Variants in MYO6 observed in about 807,000 individuals in gnomAD.
MYO6 encodes the protein myosin VI, also known as unconventional myosin-VI.
MYO6 carries 74 observed loss-of-function variants against 178.7 expected under a neutral mutation model. The ratio of observed to expected loss-of-function variants is 0.41; its 90% CI spans 0.34 to 0.50. The LOEUF (loss-of-function observed/expected upper bound fraction) is 0.50. MYO6 is among the 20% of genes least tolerant of loss of function. The pLI is 0.09. For synonymous variants in MYO6, 477 were observed against 504.6 expected, an observed-to-expected ratio of 0.95 and a Z score of 0.73; for missense variants, 1,330 against 1,547.4, an observed-to-expected ratio of 0.86 and a Z score of 2.36.
At chr6:75,783,323 G>C (rs1306943091) in intron 1 of MYO6, among the ~76,000 whole-genome samples, 4 of 152,136 alleles carry the variant, frequency 2.6e-5, no homozygotes, top group Non-Finnish European at 5.9e-5. Context: ...GTCTTGTTTT[G>C]ATTTTGAATG....
At chr6:75,901,308 T>A (rs1779756946) in intron 30 of MYO6, among the ~76,000 whole-genome samples, 1 of 152,222 alleles carries the variant, frequency 6.6e-6, no homozygotes, top group Admixed American at 6.5e-5. Context: ...GCATTGAATC[T>A]GTAAATTACC....
chr6:75,750,078 A>T (rs1776719659), intron 1 of MYO6, among the ~76,000 whole-genome samples: 1 of 150,164 alleles, frequency 6.7e-6, no homozygotes, highest in South Asian at 2.1e-4. Flanking sequence ...ATTTCCATAC[A>T]GTTTAAAAAA....
intron 1 of MYO6, among the ~76,000 whole-genome samples, chr6:75,759,554 A>T (rs1777769116): frequency 6.7e-6 from 1 of 149,562 alleles, no homozygotes; most frequent in Non-Finnish European, 1.5e-5. Flanking sequence ...CTTTACTAGA[A>T]CCCAGCTGGG....
rs757649119 is a variant in MYO6 at position 75,907,665 on chromosome 6, A to G, written c.3237A>G (p.Lys1079=). The stretch of plus-strand genomic sequence containing the variant: ...GTACTAAGAAATATGATCTTAGTAA[A>G]TGGAAATATGCAGAACTACGTGATA... ...AAGTKKYDLS[K]WKYAELRDTI... is the part of the protein sequence containing the mutation. The change falls in exon 31 of 35, where the codon AAA becomes AAG. Residue 1079 remains lysine, a synonymous_variant. Coordinates refer to ENST00000369977, the MANE Select transcript of MYO6 (RefSeq NM_004999.4). The G allele has an allele frequency of 3.1e-6, 5 of 1,613,704 alleles. No homozygotes were observed. The highest frequency in any genetic ancestry group is 1.7e-5 in the Admixed American group (1 of 60,016).
intron 2 of MYO6, among the ~76,000 whole-genome samples, 171 bp downstream of exon 2, chr6:75,817,835 A>T (rs969026068): frequency 8.5e-5 from 13 of 152,186 alleles, no homozygotes; most frequent in Non-Finnish European, 1.8e-4. Flanking sequence ...TATGTGCCCT[A>T]GGGAAAAAAT....
At chr6:75,846,702 T>G (rs1009896359) in intron 10 of MYO6, among the ~76,000 whole-genome samples, 11 of 152,112 alleles carry the variant, frequency 7.2e-5, no homozygotes, top group African/African-American at 2.7e-4. Flanking sequence ...ATGGAGACCT[T>G]TCCTAGTGGG....
In MYO6 at chr6:75,916,268, G is replaced by A. The variant is rs1489524353; in HGVS notation, c.*1256G>A. 6.6e-6 allele frequency: 1 copy of A among 152,062 alleles called. No individual in the cohort carries two copies. Among genetic ancestry groups the A allele is most frequent in the South Asian group, 2.1e-4 (1 of 4,824 alleles). The allele number at this position is 152,062 out of a possible 1,614,324, so 9.4% of individuals were successfully genotyped here. A position where few individuals can be genotyped will look rare whatever the true frequency, so the allele number is the denominator to read the frequency against. ...ACTGCTTTTTCCCCCAGTTTTTAGA[G>A]ACCCTAACCTTTGAAATGAAATTCC... On this transcript the variant is annotated 3_prime_UTR_variant, in exon 35 of 35. Coordinates refer to ENST00000369977, the MANE Select transcript of MYO6 (RefSeq NM_004999.4).
chr6:75,878,895 AG>A (rs2149340926), intron 20 of MYO6, among the ~76,000 whole-genome samples: 1 of 152,286 alleles, frequency 6.6e-6, no homozygotes, highest in African/African-American at 2.4e-5. Flanking sequence ...TGACCTGAAA[AG>A]CTCACATTGA....
intron 1 of MYO6, among the ~76,000 whole-genome samples, chr6:75,752,992 C>T (rs143472199): frequency 1.3e-5 from 2 of 152,162 alleles, no homozygotes; most frequent in East Asian, 3.9e-4. Flanking sequence ...AGAGGGGGGA[C>T]TCGTTTTTAG....
intron 1 of MYO6, among the ~76,000 whole-genome samples, chr6:75,753,982 G>A (rs1471793058): frequency 6.6e-6 from 1 of 152,156 alleles, no homozygotes; most frequent in Non-Finnish European, 1.5e-5. Context: ...TGTGAGTACT[G>A]AAGCATAAAA....
At chr6:75,752,904 A>C (rs1777019351) in intron 1 of MYO6, among the ~76,000 whole-genome samples, 1 of 152,168 alleles carries the variant, frequency 6.6e-6, no homozygotes, top group Non-Finnish European at 1.5e-5. Flanking sequence ...GAACTTTAAA[A>C]TTTTCCTCTA....
At chr6:75,890,824 G>C (rs1407214960) in intron 26 of MYO6, among the ~76,000 whole-genome samples, 1 of 152,080 alleles carries the variant, frequency 6.6e-6, no homozygotes, top group African/African-American at 2.4e-5. Flanking sequence ...TTTGTTTATT[G>C]TTTTCTAAGC....
At chr6:75,810,516 G>C (rs944812837) in intron 1 of MYO6, among the ~76,000 whole-genome samples, 2 of 152,122 alleles carry the variant, frequency 1.3e-5, no homozygotes, top group Non-Finnish European at 2.9e-5. Flanking sequence ...AAGGGAGGGG[G>C]GTATAATGAG....
Position 75,873,727 on chromosome 6 carries a change from A to G in MYO6, c.2077+427A>G, listed in dbSNP as rs565822133. Among the ~76,000 whole-genome samples the G allele has an allele frequency of 2.6e-5, 4 of 152,242 alleles. No homozygotes were observed. In the South Asian group the frequency reaches 8.3e-4, roughly 32 times the overall value. The stretch of plus-strand genomic sequence containing the variant: ...AAGTGGGCAGCTTTCTCAATCCAGC[A>G]GTAGTTCATTTCTCATTCCACACAT... On this transcript the variant is annotated intron_variant, in intron 20 of 34. Coordinates refer to ENST00000369977, the MANE Select transcript of MYO6 (RefSeq NM_004999.4).
chr6:75,769,893 C>T (rs1223329136), intron 1 of MYO6, among the ~76,000 whole-genome samples: 1 of 151,796 alleles, frequency 6.6e-6, no homozygotes, highest in Admixed American at 6.6e-5. Flanking sequence ...CGGTGAGACT[C>T]TGTCTCAAAG....
rs567235149 is a variant in MYO6 at position 75,768,555 on chromosome 6, T to C, written c.-48+19132T>C. Among the ~76,000 whole-genome samples, 10 of 151,858 alleles carry C rather than the reference T, an allele frequency of 6.6e-5. No individual in the cohort carries two copies. The South Asian group carries it at 1.7e-3, about 25-fold the overall frequency. On this transcript the variant is annotated intron_variant, in intron 1 of 34. Transcript: ENST00000369977. ...GCCACTATGGCTGGCTAATTTTTTG[T>C]ATTTTTAGTAGAGATGGGGTTTCAC...
rs754218278 is a variant in MYO6 at position 75,784,776 on chromosome 6, C to CAAAAAA, written c.-47-32703_-47-32698dup. On this transcript the variant is annotated intron_variant, in intron 1 of 34. Coordinates refer to ENST00000369977, the MANE Select transcript of MYO6 (RefSeq NM_004999.4). ...TGGGCAACAGAGTGAGACTCCGTCT[C>CAAAAAA]AAAAAAAAAAAAAAAAAAAAAAAAA... is the stretch of plus-strand genomic sequence containing the variant. Among the ~76,000 whole-genome samples the CAAAAAA allele has an allele frequency of 3.9e-4, 21 of 54,392 alleles. 2 individuals are homozygous for CAAAAAA. Among genetic ancestry groups the CAAAAAA allele is most frequent in the African/African-American group, 1.2e-3 (19 of 15,504 alleles). The allele number at this position is 54,392 out of a possible 152,430, so 35.7% of individuals were successfully genotyped here. A position where few individuals can be genotyped will look rare whatever the true frequency, so the allele number is the denominator to read the frequency against.
intron 30 of MYO6, among the ~76,000 whole-genome samples, chr6:75,899,823 G>T (rs1462896672): frequency 6.7e-6 from 1 of 149,042 alleles, no homozygotes; most frequent in African/African-American, 2.5e-5. Flanking sequence ...CCATGCTGGT[G>T]CGCTGCACCC....
intron 1 of MYO6, among the ~76,000 whole-genome samples, chr6:75,752,472 A>G (rs1776982357): frequency 6.6e-6 from 1 of 152,234 alleles, no homozygotes; most frequent in Non-Finnish European, 1.5e-5. Context: ...CTAGTCTCAA[A>G]GAATTAAATG....
Sources: gnomAD v4.1 joint callset for allele counts (sites outside exome capture counted in the v4.1 genomes callset) on GRCh38, gnomAD v4.1.1 for gene constraint, MANE v1.5 for transcripts, NCBI Gene and HGNC (gene_info 2026-07-23, HGNC 2026-07-21) for gene names.